The following CYRIB variants were observed in gnomAD, a reference collection of about 807,000 sequenced individuals.
CYRIB encodes CYFIP related Rac1 interactor B.
In CYRIB, 8 loss-of-function variants were observed where a neutral mutation model predicts 44.2. That is an observed-to-expected ratio of 0.18 (90% CI 0.11 to 0.33). The LOEUF (loss-of-function observed/expected upper bound fraction) is 0.33, where lower values mean the gene tolerates loss of function less well. CYRIB is among the 10% of genes least tolerant of loss of function. The pLI is 1.00. For missense variants in CYRIB, 185 were observed against 382.8 expected (o/e 0.48, Z 4.31); for synonymous variants, 131 against 127.2 (o/e 1.03, Z -0.20).
intron 2 of CYRIB, among the ~76,000 whole-genome samples, chr8:129,954,207 T>A (rs2094660186): frequency 6.6e-6 from 1 of 152,138 alleles, no homozygotes; most frequent in Non-Finnish European, 1.5e-5. Flanking sequence ...CATTTCAGTA[T>A]TTACTTAGCT....
intron 1 of CYRIB, among the ~76,000 whole-genome samples, chr8:129,981,319 G>T (rs1295422326): frequency 3.9e-5 from 6 of 152,070 alleles, no homozygotes; most frequent in African/African-American, 7.2e-5. Context: ...TTTGTTTGTT[G>T]GTTGGTTGGT....
chr8:129,874,794 A>C (rs2058565400), intron 3 of CYRIB, among the ~76,000 whole-genome samples: 1 of 152,292 alleles, frequency 6.6e-6, no homozygotes, highest in Non-Finnish European at 1.5e-5. Context: ...ACAGGGCAAA[A>C]CCAACTGAAA....
intron 5 of CYRIB, among the ~76,000 whole-genome samples, chr8:129,860,646 A>G (rs2048891130): frequency 2.0e-5 from 3 of 152,182 alleles, no homozygotes; most frequent in South Asian, 2.1e-4. Flanking sequence ...TTTTAAGAAC[A>G]TAGGCATTTT....
intron 7 of CYRIB, 49 bp from the exon 10 acceptor site, chr8:129,852,327 A>G: frequency 8.4e-7 from 1 of 1,194,248 alleles, no homozygotes; most frequent in Non-Finnish European, 1.1e-6. Flanking sequence ...ATTATTACAT[A>G]TAATAACAAT....
At chr8:129,925,179 C>T (rs1010821120) in intron 1 of CYRIB, among the ~76,000 whole-genome samples, 2 of 152,052 alleles carry the variant, frequency 1.3e-5, no homozygotes, top group African/African-American at 4.8e-5. Context: ...AGATGGATCA[C>T]GTGAGGTCAG....
At chr8:129,900,024 C>T (rs1488204957) in intron 2 of CYRIB, among the ~76,000 whole-genome samples, 1 of 152,028 alleles carries the variant, frequency 6.6e-6, no homozygotes. Flanking sequence ...CTTTCACTAC[C>T]ACATGTCTAA....
Position 130,003,720 on chromosome 8 carries a change from C to T in CYRIB, c.-296+12650G>A, listed in dbSNP as rs564212437. 2.6e-5 allele frequency among the ~76,000 whole-genome samples: 4 copies of T among 152,274 alleles called. No homozygotes were observed. The South Asian group carries it at 8.3e-4, about 32-fold the overall frequency. ...GTTTTAGGTGTCCAAGGTGTTGGGA[C>T]AATGATGAGTTTATCTAGGGAGAAG... On this transcript the variant is annotated intron_variant, in intron 1 of 14. Coordinates refer to the CYRIB transcript ENST00000401979.
intron 1 of CYRIB, among the ~76,000 whole-genome samples, chr8:130,000,377 G>A (rs2096882001): frequency 6.6e-6 from 1 of 152,106 alleles, no homozygotes; most frequent in Non-Finnish European, 1.5e-5. Context: ...TAAATCCTGG[G>A]CATGAAATGA....
At chr8:129,895,901 C>T (rs891938587) in intron 2 of CYRIB, among the ~76,000 whole-genome samples, 1 of 152,140 alleles carries the variant, frequency 6.6e-6, no homozygotes, top group Non-Finnish European at 1.5e-5. Flanking sequence ...ATATATATTC[C>T]TAGATTTGGT....
chr8:130,015,695 G>T (rs547535378), intron 1 of CYRIB, among the ~76,000 whole-genome samples: 41 of 152,294 alleles, frequency 2.7e-4, no homozygotes, highest in African/African-American at 9.9e-4. Context: ...CCCAACCCCA[G>T]TGTGTGTGTA....
At chr8:129,876,730 A>ATAT (rs1310976248) in intron 3 of CYRIB, among the ~76,000 whole-genome samples, 3 of 151,890 alleles carry the variant, frequency 2.0e-5, no homozygotes, top group Non-Finnish European at 2.9e-5. Flanking sequence ...CTGCAGAGAC[A>ATAT]TATTGGGTCA....
At chr8:129,861,645 AT>A (rs1240606290) in intron 5 of CYRIB, among the ~76,000 whole-genome samples, 5 of 143,586 alleles carry the variant, frequency 3.5e-5, no homozygotes, top group African/African-American at 5.2e-5. Flanking sequence ...TTGAGACGGG[AT>A]TTTGCCATGT....
At chr8:129,982,741 C>T (rs977068153) in intron 1 of CYRIB, among the ~76,000 whole-genome samples, 3 of 152,008 alleles carry the variant, frequency 2.0e-5, no homozygotes, top group African/African-American at 7.2e-5. Flanking sequence ...GATTCTGAAC[C>T]AAAAAAGCAA....
At chr8:129,855,223 T>A (rs1400466203) in intron 6 of CYRIB, among the ~76,000 whole-genome samples, 1 of 152,060 alleles carries the variant, frequency 6.6e-6, no homozygotes, top group Admixed American at 6.5e-5. Flanking sequence ...AAACCCCGTC[T>A]CTACTAAAAA....
intron 1 of CYRIB, among the ~76,000 whole-genome samples, chr8:129,921,297 A>G (rs2083426304): frequency 6.6e-6 from 1 of 152,194 alleles, no homozygotes; most frequent in South Asian, 2.1e-4. Flanking sequence ...AACTGAAACT[A>G]AAACAGGAAG....
chr8:129,952,350 C>A (rs887776560), intron 2 of CYRIB, among the ~76,000 whole-genome samples: 1 of 152,110 alleles, frequency 6.6e-6, no homozygotes, highest in Non-Finnish European at 1.5e-5. Flanking sequence ...CATGAGCCAC[C>A]ACACCCGGCC....
At chr8:129,890,241 T>C (rs1445088656) in intron 2 of CYRIB, among the ~76,000 whole-genome samples, 1 of 152,206 alleles carries the variant, frequency 6.6e-6, no homozygotes, top group Admixed American at 6.5e-5. Context: ...TATCATATGC[T>C]ACAGAGAAAT....
Position 129,897,038 on chromosome 8 carries a change from G to A in CYRIB, c.-11+6274C>T, listed in dbSNP as rs555689620. Reference sequence around the variant, plus strand: ...ATCCCTTAATTTCTGGGGTTGACTAGGGGCTCTTCTCAACACTATAGTCAC... The same window carrying A: ...ATCCCTTAATTTCTGGGGTTGACTAAGGGCTCTTCTCAACACTATAGTCAC... On this transcript the variant is annotated intron_variant, in intron 2 of 11. Coordinates refer to ENST00000519824, the Ensembl canonical transcript of CYRIB. 3.7e-4 allele frequency among the ~76,000 whole-genome samples: 57 copies of A among 152,314 alleles called. 1 individual carries two copies. Among genetic ancestry groups the A allele is most frequent in the Admixed American group, 2.5e-3 (38 of 15,306 alleles).
At chr8:129,924,017 C>T (rs1426852941) in intron 1 of CYRIB, among the ~76,000 whole-genome samples, 3 of 149,330 alleles carry the variant, frequency 2.0e-5, no homozygotes, top group African/African-American at 7.4e-5. Context: ...ATGCCTGTAT[C>T]CCCAACACTT....
Sources: gnomAD v4.1 joint callset for allele counts (sites outside exome capture counted in the v4.1 genomes callset) on GRCh38, gnomAD v4.1.1 for gene constraint, MANE v1.5 for transcripts, NCBI Gene and HGNC (gene_info 2026-07-23, HGNC 2026-07-21) for gene names.